The following UNKL variants were observed in gnomAD, a reference collection of about 807,000 sequenced individuals.
The protein encoded by UNKL is putative E3 ubiquitin-protein ligase UNKL.
A neutral mutation model predicts 78.0 loss-of-function variants in UNKL; 60 were observed. The observed-to-expected ratio is 0.77, with a 90% CI of 0.63 to 0.95. The LOEUF (loss-of-function observed/expected upper bound fraction) is 0.95. Among genes scored for constraint, UNKL ranks in the 40% least tolerant of loss-of-function variants. The pLI, the probability that UNKL is intolerant of heterozygous loss-of-function variation, is 0.00. For missense variants in UNKL, 1,159 were observed against 1,045.7 expected (o/e 1.11, Z -1.49); for synonymous variants, 608 against 474.8 (o/e 1.28, Z -3.65).
Position 1,367,085 on chromosome 16 carries a change from G to T in UNKL, c.2046+7C>A. ...TGGCCCCTCACCCTGCCCAGAGCAG[G>T]ACTCACGCCGTCCACCGCCTCCAGG... is the stretch of plus-strand genomic sequence containing the variant. On this transcript the variant is annotated splice_region_variant and intron_variant, in intron 14 of 14. Transcript: ENST00000389221. 6.5e-7 allele frequency: 1 copy of T among 1,542,616 alleles called. No homozygotes were observed. Among genetic ancestry groups the T allele is most frequent in the South Asian group, 1.2e-5 (1 of 81,354 alleles).
intron 10 of UNKL, 56 bp from the exon 11 acceptor site, chr16:1,371,667 A>C: frequency 6.6e-7 from 1 of 1,513,574 alleles, no homozygotes; most frequent in Non-Finnish European, 8.9e-7. Context: ...GAGCTCAGGA[A>C]GCCTAGCTGA....
chr16:1,369,954 G>A (rs577309052), intron 12 of UNKL, 176 bp downstream of exon 12: 30 of 1,549,774 alleles, frequency 1.9e-5, no homozygotes, highest in Middle Eastern at 3.3e-4. Context: ...CAACCTGGGC[G>A]ACAGAGCGAG....
chr16:1,378,636 G>A (rs1419808637), intron 10 of UNKL, among the ~76,000 whole-genome samples: 2 of 152,250 alleles, frequency 1.3e-5, no homozygotes, highest in Admixed American at 6.5e-5. Flanking sequence ...CAACTCAGAG[G>A]GCGTCAGCCA....
At position 1,364,053 on chromosome 16, in the gene UNKL, C is replaced by G. The variant is rs866902896; in HGVS notation, c.*2187G>C. 2.0e-5 allele frequency: 3 copies of G among 152,222 alleles called. No individual in the cohort carries two copies. The highest frequency in any genetic ancestry group is 2.1e-4 in the South Asian group (1 of 4,830). The allele number at this position is 152,222 out of a possible 1,614,324, so 9.4% of individuals were successfully genotyped here. On this transcript the variant is annotated 3_prime_UTR_variant, in exon 15 of 15. Coordinates refer to ENST00000389221, the MANE Select transcript of UNKL (RefSeq NM_001372107.1). ...AGACACCACTTATCCCAGAAAAGAC[C>G]AGAGGCTCCAAATGGGAACCAAGTG...
chr16:1,411,231 G>A (rs559831394), intron 2 of UNKL, among the ~76,000 whole-genome samples: 2 of 152,128 alleles, frequency 1.3e-5, no homozygotes, highest in South Asian at 2.1e-4. Context: ...GTGGTGTAGA[G>A]AGTCTATAGC....
chr16:1,379,738 C>T (rs2036520959), intron 10 of UNKL: 37 of 950,656 alleles, frequency 3.9e-5, no homozygotes, highest in Non-Finnish European at 4.5e-5. Flanking sequence ...CGTGACTCGG[C>T]CCCGCCCCCG....
intron 8 of UNKL, 74 bp from the exon 9 acceptor site, chr16:1,390,768 G>A (rs1026466108): frequency 1.0e-4 from 153 of 1,492,522 alleles, no homozygotes; most frequent in Non-Finnish European, 1.4e-4. Flanking sequence ...AATTCAGGCT[G>A]GGCACAGTGG....
rs1033788954 is a variant in UNKL, at chr16:1,399,259, G to C, written c.734+115C>G. On this transcript the variant is annotated intron_variant, in intron 5 of 14. Coordinates refer to ENST00000389221, the MANE Select transcript of UNKL (RefSeq NM_001372107.1). The surrounding 1 kb of genome is among the most constrained non-coding windows in gnomAD (Gnocchi z 5.8). The stretch of plus-strand genomic sequence containing the variant: ...GGAGATGCCCTCCCCTCCCGGGGAT[G>C]ATGGTGCCACAAGGGCAGCCCTCCC... 2.8e-6 allele frequency: 4 copies of C among 1,410,730 alleles called. No individual in the cohort carries two copies. The highest frequency in any genetic ancestry group is 3.7e-6 in the Non-Finnish European group (4 of 1,079,052). 87.4% of individuals were successfully genotyped at this position (1,410,730 alleles called of 1,614,324 possible).
chr16:1,410,614 GT>G (rs533519790), intron 2 of UNKL, among the ~76,000 whole-genome samples: 13 of 152,270 alleles, frequency 8.5e-5, no homozygotes, highest in Admixed American at 8.5e-4. Context: ...TCAGTGCCCT[GT>G]ATTCAACACT....
intron 2 of UNKL, among the ~76,000 whole-genome samples, chr16:1,406,508 C>T (rs945851559): frequency 1.3e-5 from 2 of 152,114 alleles, no homozygotes; most frequent in Admixed American, 6.6e-5. Flanking sequence ...CCACCGCGCC[C>T]GGCCTAATTT....
chr16:1,365,622 A>T lies in UNKL; in HGVS notation c.*618T>A, dbSNP rs954497667. On this transcript the variant is annotated 3_prime_UTR_variant, in exon 15 of 15. Transcript: ENST00000389221. The stretch of plus-strand genomic sequence containing the variant: ...TGCTTATAAATACTATTTGCACTTA[A>T]TTGGAAAATGTAAAAATCCTAGGTC... 6.6e-6 allele frequency: 1 copy of T among 152,646 alleles called. No homozygotes were observed. The allele number at this position is 152,646 out of a possible 1,614,324, so 9.5% of individuals were successfully genotyped here. A position where few individuals can be genotyped will look rare whatever the true frequency, so the allele number is the denominator to read the frequency against.
At position 1,394,171 on chromosome 16, in the gene UNKL, G is replaced by A. The variant is rs1322119793; in HGVS notation, c.897C>T (p.Tyr299=). ...AGGCACAGAAGGGGCCGCGCGGGCAGTACCCGGTTTGGCGCATGTCGTTGC... is the reference window on the plus strand; with the variant it reads ...AGGCACAGAAGGGGCCGCGCGGGCAATACCCGGTTTGGCGCATGTCGTTGC... ...TKCNDMRQTG[Y]CPRGPFCAFA... is the part of the protein sequence containing the mutation. Residue 299 remains tyrosine (Y), a synonymous_variant, in exon 7 of 15, where the codon TAC becomes TAT. Transcript: ENST00000389221. 26 of 1,550,636 alleles carry A rather than the reference G, an allele frequency of 1.7e-5. No homozygotes were observed. The East Asian group carries it at 2.0e-4, about 12-fold the overall frequency.
chr16:1,370,952 G>T (rs1231541381), intron 11 of UNKL, among the ~76,000 whole-genome samples: 1 of 152,064 alleles, frequency 6.6e-6, no homozygotes, highest in African/African-American at 2.4e-5. Flanking sequence ...GCGTGGTGGC[G>T]GGCACCTGTA....
At chr16:1,370,510 C>G (rs1417254212) in intron 11 of UNKL, among the ~76,000 whole-genome samples, 153 bp from the exon 12 acceptor site, 2 of 152,184 alleles carry the variant, frequency 1.3e-5, no homozygotes, top group Non-Finnish European at 2.9e-5. Flanking sequence ...CCACCACCAT[C>G]TATGTGTTTG....
intron 2 of UNKL, among the ~76,000 whole-genome samples, chr16:1,404,516 G>A (rs930678329): frequency 1.3e-5 from 2 of 152,208 alleles, no homozygotes; most frequent in Admixed American, 6.5e-5. Flanking sequence ...AGAGGCAGAA[G>A]AAGGGGTGCC....
intron 11 of UNKL, among the ~76,000 whole-genome samples, chr16:1,371,031 G>A (rs891757806): frequency 6.7e-6 from 1 of 150,330 alleles, no homozygotes; most frequent in African/African-American, 2.5e-5. Flanking sequence ...TGCAGTGAGC[G>A]GAGATCGCGC....
chr16:1,395,177 T>A, intron 6 of UNKL, among the ~76,000 whole-genome samples: 1 of 148,716 alleles, frequency 6.7e-6, no homozygotes. Context: ...TTTTTTTTTT[T>A]TTTTTTTTGA....
At chr16:1,409,887 C>T (rs2037958686) in intron 2 of UNKL, among the ~76,000 whole-genome samples, 1 of 151,924 alleles carries the variant, frequency 6.6e-6, no homozygotes, top group Admixed American at 6.6e-5. Context: ...TCAAGACCAG[C>T]CTGGCCAACA....
intron 2 of UNKL, among the ~76,000 whole-genome samples, chr16:1,405,361 C>T (rs1010119874): frequency 9.9e-5 from 15 of 152,034 alleles, no homozygotes; most frequent in Middle Eastern, 6.8e-3. Context: ...TTTGGAAGGC[C>T]AAGGCGGGTG....
Sources: gnomAD v4.1 joint callset for allele counts (sites outside exome capture counted in the v4.1 genomes callset) on GRCh38, gnomAD v4.1.1 for gene constraint, Gnocchi (gnomAD v3.1) non-coding constraint, MANE v1.5 for transcripts, NCBI Gene and HGNC (gene_info 2026-07-23, HGNC 2026-07-21) for gene names.